SPATS2L: variants seen among roughly 807,000 people sequenced by gnomAD.
SPATS2L encodes the protein SPATS2-like protein.
Under a neutral mutation model 59.6 loss-of-function variants are expected in SPATS2L, and 30 were observed. That is an observed-to-expected ratio of 0.50 (90% CI 0.38 to 0.68). The LOEUF (loss-of-function observed/expected upper bound fraction) is 0.68. SPATS2L is among the 30% of genes least tolerant of loss of function. The pLI is 0.00. For missense variants in SPATS2L, 615 were observed against 700.0 expected (o/e 0.88, Z 1.37); for synonymous variants, 252 against 263.5 (o/e 0.96, Z 0.42).
At chr2:200,380,159 C>T (rs2081755218) in intron 2 of SPATS2L, among the ~76,000 whole-genome samples, 1 of 152,212 alleles carries the variant, frequency 6.6e-6, no homozygotes, top group Non-Finnish European at 1.5e-5. Context: ...CCTGTGCTTG[C>T]ACTGCCTCAG....
intron 10 of SPATS2L, among the ~76,000 whole-genome samples, chr2:200,469,382 T>A: frequency 6.6e-6 from 1 of 152,232 alleles, no homozygotes; most frequent in East Asian, 1.9e-4. Flanking sequence ...TACACACAGA[T>A]CTTAATTTTA....
chr2:200,351,371 A>G lies in SPATS2L; in HGVS notation c.-23+21891A>G. 4 of 457,872 alleles carry G rather than the reference A, an allele frequency of 8.7e-6. 1 individual carries two copies. Among genetic ancestry groups the G allele is most frequent in the South Asian group, 6.3e-5 (4 of 63,008 alleles). 28.4% of individuals were successfully genotyped at this position (457,872 alleles called of 1,614,324 possible). On this transcript the variant is annotated intron_variant, in intron 2 of 12. Coordinates refer to ENST00000409140, the MANE Select transcript of SPATS2L (RefSeq NM_001100423.2). ...TGCTAGAAGATTTTGTGACTATAGT[A>G]ATATATTTGCAGTAAAAACATTTGA...
At chr2:200,456,885 C>T (rs2085873574) in intron 8 of SPATS2L, among the ~76,000 whole-genome samples, 1 of 152,142 alleles carries the variant, frequency 6.6e-6, no homozygotes, top group Non-Finnish European at 1.5e-5. Flanking sequence ...CTAATTGCTT[C>T]TTCTTGCCAT....
At chr2:200,351,428 T>C in intron 2 of SPATS2L, 1 of 412,956 alleles carries the variant, frequency 2.4e-6, no homozygotes, top group Non-Finnish European at 5.1e-6. Context: ...CCTGAGAAAT[T>C]AAAATTAAAT....
chr2:200,467,008 C>T (rs940576471), intron 9 of SPATS2L, among the ~76,000 whole-genome samples: 13 of 152,058 alleles, frequency 8.5e-5, no homozygotes, highest in African/African-American at 2.7e-4. Context: ...GTCTAAATTC[C>T]GTAAGTGAGG....
intron 2 of SPATS2L, among the ~76,000 whole-genome samples, chr2:200,385,350 T>G (rs1281227932): frequency 6.6e-6 from 1 of 152,210 alleles, no homozygotes; most frequent in African/African-American, 2.4e-5. Flanking sequence ...TGAAAATATA[T>G]TGAAAAGTTC....
rs2087751982 is a variant in SPATS2L, at chr2:200,480,517, GCAC to G, written c.*2490_*2492del. On this transcript the variant is annotated 3_prime_UTR_variant, in exon 13 of 13. Transcript: ENST00000409140. ...CCCAAGTTGCGAGGACTACAGGTGT[GCAC>G]CACAACGTCCCAGCTACTTTTTAAA... The G allele has an allele frequency of 6.6e-6, 1 of 152,032 alleles. No individual in the cohort carries two copies. Among genetic ancestry groups the G allele is most frequent in the Non-Finnish European group, 1.5e-5 (1 of 68,044 alleles). The allele number at this position is 152,032 out of a possible 1,614,324, so 9.4% of individuals were successfully genotyped here.
At chr2:200,470,212 C>T (rs1479489828) in intron 11 of SPATS2L, among the ~76,000 whole-genome samples, 196 bp downstream of exon 11, 1 of 152,184 alleles carries the variant, frequency 6.6e-6, no homozygotes, top group Non-Finnish European at 1.5e-5. Flanking sequence ...TGCCACTGCC[C>T]ATCAGTAATT....
intron 2 of SPATS2L, among the ~76,000 whole-genome samples, chr2:200,377,655 T>G (rs905059219): frequency 6.6e-6 from 1 of 152,218 alleles, no homozygotes; most frequent in Non-Finnish European, 1.5e-5. Context: ...CACCCTGGCT[T>G]TTTGCCGTTA....
At chr2:200,352,893 A>T (rs2080790031) in intron 2 of SPATS2L, among the ~76,000 whole-genome samples, 1 of 152,200 alleles carries the variant, frequency 6.6e-6, no homozygotes, top group Non-Finnish European at 1.5e-5. Flanking sequence ...GAACACCCAC[A>T]TTGACACACA....
intron 3 of SPATS2L, among the ~76,000 whole-genome samples, chr2:200,395,647 A>G (rs1298078333): frequency 6.6e-6 from 1 of 152,216 alleles, no homozygotes. Flanking sequence ...TCTTAACGAT[A>G]TAAACTAGAA....
At chr2:200,391,901 G>A (rs1276788884) in intron 3 of SPATS2L, among the ~76,000 whole-genome samples, 1 of 152,096 alleles carries the variant, frequency 6.6e-6, no homozygotes, top group Non-Finnish European at 1.5e-5. Context: ...AAGTCTCTGG[G>A]CACATGGTCA....
intron 8 of SPATS2L, among the ~76,000 whole-genome samples, chr2:200,448,390 T>C (rs916417525): frequency 6.6e-6 from 1 of 152,052 alleles, no homozygotes; most frequent in East Asian, 1.9e-4. Flanking sequence ...GGCAGTGAGC[T>C]GAGATCACAC....
intron 6 of SPATS2L, among the ~76,000 whole-genome samples, chr2:200,433,969 AC>A (rs1455525554): frequency 3.3e-5 from 5 of 152,178 alleles, no homozygotes; most frequent in African/African-American, 1.2e-4. Flanking sequence ...TCGTATCAAA[AC>A]CTGACAAAGT....
At chr2:200,468,382 C>T (rs150845337) in intron 10 of SPATS2L, among the ~76,000 whole-genome samples, 1 of 13,086 alleles carries the variant, frequency 7.6e-5, no homozygotes, top group Non-Finnish European at 3.1e-4. Context: ...ACACACACGC[C>T]TTCCAGCTTC....
chr2:200,404,095 G>A (rs2082616752), intron 3 of SPATS2L, among the ~76,000 whole-genome samples: 1 of 152,170 alleles, frequency 6.6e-6, no homozygotes, highest in African/African-American at 2.4e-5. Context: ...GTGGAAGCTT[G>A]TTTCATAATT....
intron 2 of SPATS2L, among the ~76,000 whole-genome samples, chr2:200,378,836 G>C (rs1465754603): frequency 6.6e-6 from 1 of 152,176 alleles, no homozygotes. Context: ...TGCTGGTTCA[G>C]AGTTATATTG....
chr2:200,364,504 C>A (rs1333868521), intron 2 of SPATS2L, among the ~76,000 whole-genome samples: 1 of 152,140 alleles, frequency 6.6e-6, no homozygotes, highest in East Asian at 1.9e-4. Context: ...ATGTCAGTGG[C>A]AACTGTCAAG....
At chr2:200,458,539 C>T (rs575768503) in intron 8 of SPATS2L, among the ~76,000 whole-genome samples, 7 of 152,148 alleles carry the variant, frequency 4.6e-5, no homozygotes, top group African/African-American at 1.2e-4. Context: ...TAAATAACAC[C>T]ATGGAGATGT....
Sources: allele counts gnomAD v4.1 joint callset (sites outside exome capture counted in the v4.1 genomes callset), GRCh38; gene constraint gnomAD v4.1.1; transcripts MANE v1.5; gene names NCBI Gene and HGNC (gene_info 2026-07-23, HGNC 2026-07-21).